A2ML1: variants seen among roughly 807,000 people sequenced by gnomAD.
The protein encoded by A2ML1 is alpha-2-macroglobulin-like protein 1.
In A2ML1, 161 loss-of-function variants were observed where a neutral mutation model predicts 181.9. The ratio of observed to expected loss-of-function variants is 0.89; its 90% CI spans 0.78 to 1.01. A2ML1 has a LOEUF of 1.01. A2ML1 is among the 50% of genes least tolerant of loss of function. A2ML1 has a pLI of 0.00. For missense variants in A2ML1, 1,670 were observed against 1,768.1 expected (o/e 0.94, Z 1.00); for synonymous variants, 663 against 666.8 (o/e 0.99, Z 0.09).
At chr12:8,839,288 C>A in intron 10 of A2ML1, 66 bp downstream of exon 10, 3 of 1,106,012 alleles carry the variant, frequency 2.7e-6, no homozygotes, top group Non-Finnish European at 4.0e-6. Flanking sequence ...CTCCTTCCTG[C>A]AGCCATAGCC....
chr12:8,839,016 C>T (rs1943379377), intron 9 of A2ML1, 97 bp from the exon 10 acceptor site: 9 of 745,860 alleles, frequency 1.2e-5, no homozygotes, highest in Admixed American at 3.2e-5. Flanking sequence ...CATTCAACTT[C>T]ATCCCTCTGC....
rs192221816 is a variant in A2ML1 at position 8,850,213 on chromosome 12, G to A, written c.2173G>A (p.Glu725Lys). The A allele has an allele frequency of 1.0e-3, 1,633 of 1,613,546 alleles. No individual in the cohort carries two copies. Among genetic ancestry groups the A allele is most frequent in the Admixed American group, 2.0e-3 (121 of 59,968 alleles). The change falls in exon 18 of 36, where the codon GAG (glutamate) becomes AAG (lysine). Residue 725 changes from glutamate (E) to lysine (K), a missense_variant. By Grantham distance (56) the Glu-to-Lys change is moderately conservative. Coordinates refer to ENST00000299698, the MANE Select transcript of A2ML1 (RefSeq NM_144670.6). ...FESSTPLHQA[E>K]DSQVRQYFPE... ...GTCATCAACTCCTTTACATCAAGCA[G>A]AGGATTCTCAGGTCCGCCAGTACTT...
intron 14 of A2ML1, 76 bp downstream of exon 14, chr12:8,846,298 CAA>C: frequency 6.5e-7 from 1 of 1,537,034 alleles, no homozygotes; most frequent in Non-Finnish European, 9.0e-7. Flanking sequence ...CGGTTGGAAA[CAA>C]GACAAGTCAG....
chr12:8,836,007 C>T (rs1306613930), intron 6 of A2ML1, among the ~76,000 whole-genome samples: 4 of 117,852 alleles, frequency 3.4e-5, no homozygotes, highest in Non-Finnish European at 6.7e-5. Flanking sequence ...AGCAAGACTC[C>T]GTCTCAAAAA....
rs201278545 is a variant in A2ML1 at position 8,860,913 on chromosome 12, G to C, written c.3297G>C (p.Ala1099=). The part of the protein sequence containing the change: ...GGVDDEVSLT[A]YVTAALLEMG... ...TTGATGATGAGGTCTCCTTGACTGCGTATGTCACAGCTGCATTGCTGGAGA... is the reference window on the plus strand; with the variant it reads ...TTGATGATGAGGTCTCCTTGACTGCCTATGTCACAGCTGCATTGCTGGAGA... The change falls in exon 27 of 36, where the codon GCG becomes GCC. Residue 1099 remains alanine (A), a synonymous_variant. Transcript: ENST00000299698. 18 of 1,613,968 alleles carry C rather than the reference G, an allele frequency of 1.1e-5. No individual in the cohort carries two copies. The highest frequency in any genetic ancestry group is 1.5e-5 in the Non-Finnish European group (18 of 1,180,040).
At chr12:8,868,405 G>A (rs1223297005) in intron 31 of A2ML1, 48 bp downstream of exon 31, 7 of 1,606,614 alleles carry the variant, frequency 4.4e-6, no homozygotes, top group Non-Finnish European at 6.0e-6. Flanking sequence ...CTGGTCATAG[G>A]AGCTGAGCTG....
chr12:8,827,217 G>A (rs907490997), intron 3 of A2ML1, among the ~76,000 whole-genome samples: 8 of 152,140 alleles, frequency 5.3e-5, no homozygotes, highest in African/African-American at 1.9e-4. Flanking sequence ...GCCTGTGCCT[G>A]TAATCCCAGC....
Position 8,849,729 on chromosome 12 carries a change from A to C in A2ML1, c.2089A>C (p.Arg697=). ...KIKKPVDCSH[R]SPEYSTAMGA... ...CAAGAAGCCAGTAGATTGCAGTCAC[A>C]GATCTCCAGAATACAGCACTGCTAT... Residue 697 remains arginine (R), a synonymous_variant, in exon 17 of 36, where the codon AGA becomes CGA. Transcript: ENST00000299698. 1 of 1,614,240 alleles carries C rather than the reference A, an allele frequency of 6.2e-7. No homozygotes were observed. Among genetic ancestry groups the C allele is most frequent in the Non-Finnish European group, 8.5e-7 (1 of 1,180,034 alleles).
chr12:8,885,193 T>C (rs1040805094), intron 7 of A2ML1, among the ~76,000 whole-genome samples: 1 of 152,162 alleles, frequency 6.6e-6, no homozygotes, highest in Non-Finnish European at 1.5e-5. Context: ...AATAATGTCT[T>C]TTGGTGAACA....
intron 21 of A2ML1, 99 bp from the exon 22 acceptor site, chr12:8,854,681 C>T: frequency 7.6e-7 from 1 of 1,321,820 alleles, no homozygotes; most frequent in Non-Finnish European, 1.1e-6. Flanking sequence ...TGAGGGAAGC[C>T]CTGGGGGCAC....
At chr12:8,860,514 G>C (rs1031248419) in intron 26 of A2ML1, among the ~76,000 whole-genome samples, 11 of 152,152 alleles carry the variant, frequency 7.2e-5, no homozygotes, top group African/African-American at 2.7e-4. Flanking sequence ...TGCTTGAGGG[G>C]AGCTGCATGT....
At position 8,862,121 on chromosome 12, in the gene A2ML1, T is replaced by C. The variant is rs17729741; in HGVS notation, c.3502+824T>C. ...TGAAGAAGCTAGTCGGAAAATATAT[T>C]GGCATTGTGGAATCACCCTTTTGGA... On this transcript the variant is annotated intron_variant, in intron 28 of 35. Coordinates refer to ENST00000299698, the MANE Select transcript of A2ML1 (RefSeq NM_144670.6). 0.35 allele frequency among the ~76,000 whole-genome samples: 52,938 copies of C among 152,152 alleles called. 9,765 individuals are homozygous for C. The highest frequency in any genetic ancestry group is 0.43 in the African/African-American group (17,816 of 41,524).
At position 8,852,784 on chromosome 12, in the gene A2ML1, C is replaced by T. The variant is rs1003607318; in HGVS notation, c.2590+448C>T. Among the ~76,000 whole-genome samples, 2 of 152,154 alleles carry T rather than the reference C, an allele frequency of 1.3e-5. No homozygotes were observed. The highest frequency in any genetic ancestry group is 4.8e-5 in the African/African-American group (2 of 41,434). ...CAATCTGTGCTTACTGCAACCTCCA[C>T]CTCCTGGGTTCAAGTGATTCTCCTG... is the stretch of plus-strand genomic sequence containing the variant. On this transcript the variant is annotated intron_variant, in intron 20 of 35. Transcript: ENST00000299698. The surrounding 1 kb of genome is among the most constrained non-coding windows in gnomAD (Gnocchi z 4.2).
downstream of A2ML1, among the ~76,000 whole-genome samples, chr12:8,879,156 C>T (rs1944844794): frequency 6.6e-6 from 1 of 151,946 alleles, no homozygotes; most frequent in African/African-American, 2.4e-5. Flanking sequence ...CCAAGCTTGC[C>T]TCTTGGGTAT....
intron 3 of A2ML1, among the ~76,000 whole-genome samples, chr12:8,825,089 C>G (rs1174804455): frequency 1.3e-5 from 2 of 152,128 alleles, no homozygotes; most frequent in East Asian, 3.9e-4. Context: ...TACTGATTTC[C>G]TTTCTTTTGT....
In A2ML1 at chr12:8,838,386, C is replaced by T. The variant is rs1943356243; in HGVS notation, c.906C>T (p.Asp302=). The T allele has an allele frequency of 1.9e-6, 3 of 1,613,764 alleles. No individual in the cohort carries two copies. In the African/African-American group the frequency reaches 4.0e-5, roughly 22 times the overall value. ...CACCTGTGGACATGGCCACCTTTGA[C>T]CTCATTGGATATGCGTACAGCCATC... ...FSAPVDMATF[D]LIGYAYSHQI... Residue 302 remains aspartate (D), a synonymous_variant, in exon 9 of 36, where the codon GAC becomes GAT. Coordinates refer to ENST00000299698, the MANE Select transcript of A2ML1 (RefSeq NM_144670.6).
chr12:8,871,509 C>T (rs1206721387), intron 33 of A2ML1, among the ~76,000 whole-genome samples: 1 of 152,040 alleles, frequency 6.6e-6, no homozygotes, highest in African/African-American at 2.4e-5. Flanking sequence ...GACAGCGTTT[C>T]ACCATGTTGG....
At chr12:8,860,675 T>C (rs1565487315) in intron 26 of A2ML1, among the ~76,000 whole-genome samples, 1 of 152,162 alleles carries the variant, frequency 6.6e-6, no homozygotes, top group Non-Finnish European at 1.5e-5. Context: ...TTTAAGGCTG[T>C]GCAGTTATGA....
At chr12:8,841,002 G>GGAAA in intron 10 of A2ML1, among the ~76,000 whole-genome samples, 1 of 77,030 alleles carries the variant, frequency 1.3e-5, no homozygotes, top group Non-Finnish European at 3.2e-5. Context: ...AAGGAAGGAA[G>GGAAA]GAAGGAAGGA....
Sources: allele counts gnomAD v4.1 joint callset (sites outside exome capture counted in the v4.1 genomes callset), GRCh38; gene constraint gnomAD v4.1.1; non-coding constraint Gnocchi (gnomAD v3.1); transcripts MANE v1.5; gene names NCBI Gene and HGNC (gene_info 2026-07-23, HGNC 2026-07-21).